The following PTPN1 variants were observed in gnomAD, a reference collection of about 807,000 sequenced individuals.
The protein encoded by PTPN1 is protein tyrosine phosphatase non-receptor type 1, also known as tyrosine-protein phosphatase non-receptor type 1.
Under a neutral mutation model 59.9 loss-of-function variants are expected in PTPN1, and 12 were observed. The observed-to-expected ratio is 0.20, with a 90% CI of 0.13 to 0.32. The LOEUF (loss-of-function observed/expected upper bound fraction) is 0.32, where lower values mean the gene tolerates loss of function less well. PTPN1 is among the 10% of genes least tolerant of loss of function. The pLI, the probability that PTPN1 is intolerant of heterozygous loss-of-function variation, is 1.00. For missense variants in PTPN1, 356 were observed against 549.2 expected (o/e 0.65, Z 3.52); for synonymous variants, 178 against 203.6 (o/e 0.87, Z 1.07).
At position 50,579,236 on chromosome 20, in the gene PTPN1, G is replaced by A; in HGVS notation, c.771G>A (p.Arg257=). The A allele has an allele frequency of 6.2e-7, 1 of 1,614,236 alleles. No homozygotes were observed. Residue 257 remains arginine, a synonymous_variant, in exon 7 of 10, where the codon CGG becomes CGA. Transcript: ENST00000371621. ...KKVLLEMRKF[R]MGLIQTADQL... ...TGCTGTTAGAAATGAGGAAGTTTCG[G>A]ATGGGGCTGATCCAGACAGCCGACC...
intron 1 of PTPN1, among the ~76,000 whole-genome samples, chr20:50,540,328 T>C (rs1230835892): frequency 1.3e-5 from 2 of 152,230 alleles, no homozygotes; most frequent in African/African-American, 4.8e-5. Context: ...GTGCTGGGAT[T>C]ACAGGCGTGA....
At chr20:50,572,707 C>T (rs2082817312) in intron 4 of PTPN1, 2 of 152,166 alleles carry the variant, frequency 1.3e-5, no homozygotes, top group South Asian at 4.1e-4. Flanking sequence ...AGATCAGTCT[C>T]TTGTTTCTGG....
intron 4 of PTPN1, chr20:50,574,212 C>G: frequency 3.2e-6 from 1 of 308,860 alleles, no homozygotes; most frequent in Non-Finnish European, 5.8e-6. Flanking sequence ...TTTGTTCAAT[C>G]TGGCTTCACC....
rs185308629 is a variant in PTPN1, at chr20:50,582,793, G to T, written c.*78G>T. ...CCCACGCCCGACTAGCAGGCATGCC[G>T]CGGTAGGTAAGGGCCGCCGGACCGC... is the stretch of plus-strand genomic sequence containing the variant. On this transcript the variant is annotated 3_prime_UTR_variant, in exon 10 of 10. Transcript: ENST00000371621. The surrounding 1 kb of genome is among the most constrained non-coding windows in gnomAD (Gnocchi z 4.2). 82 of 1,582,198 alleles carry T rather than the reference G, an allele frequency of 5.2e-5. No homozygotes were observed. The African/African-American group carries it at 8.2e-4, about 16-fold the overall frequency.
intron 1 of PTPN1, among the ~76,000 whole-genome samples, chr20:50,529,166 A>T (rs2082590282): frequency 6.6e-6 from 1 of 151,938 alleles, no homozygotes; most frequent in Non-Finnish European, 1.5e-5. Flanking sequence ...AGACCATGCC[A>T]CTCTGGAGAG....
At chr20:50,542,292 T>C (rs1229487013) in intron 1 of PTPN1, among the ~76,000 whole-genome samples, 2 of 152,242 alleles carry the variant, frequency 1.3e-5, no homozygotes, top group Non-Finnish European at 2.9e-5. Context: ...GATGAATGTA[T>C]CTTAGTGAAA....
chr20:50,545,843 C>T (rs1407837148), intron 1 of PTPN1, among the ~76,000 whole-genome samples: 6 of 151,634 alleles, frequency 4.0e-5, no homozygotes, highest in Non-Finnish European at 7.4e-5. Flanking sequence ...TAGCGAGACC[C>T]CCCCTCCCCC....
At position 50,582,765 on chromosome 20, in the gene PTPN1, G is replaced by C; in HGVS notation, c.*50G>C. ...CACCCACTGTCCGCCTCTGCCCGCAGAGCCCACGCCCGACTAGCAGGCATG... is the reference window on the plus strand; with the variant it reads ...CACCCACTGTCCGCCTCTGCCCGCACAGCCCACGCCCGACTAGCAGGCATG... On this transcript the variant is annotated 3_prime_UTR_variant, in exon 10 of 10. Transcript: ENST00000371621. The surrounding 1 kb of genome is among the most constrained non-coding windows in gnomAD (Gnocchi z 4.2). The C allele has an allele frequency of 6.2e-7, 1 of 1,609,584 alleles. No homozygotes were observed. The highest frequency in any genetic ancestry group is 8.5e-7 in the Non-Finnish European group (1 of 1,177,440).
chr20:50,562,971 C>G lies in PTPN1; in HGVS notation c.154+1518C>G, dbSNP rs1293811087. ...TAAATGGTTTTATGAATCAGTTTTA[C>G]AGAGAAAAAAAACCAGTATTTAAAA... On this transcript the variant is annotated intron_variant, in intron 2 of 9. Coordinates refer to ENST00000371621, the MANE Select transcript of PTPN1 (RefSeq NM_002827.4). The G allele has an allele frequency of 4.6e-5, 7 of 151,994 alleles. No homozygotes were observed. The East Asian group carries it at 1.4e-3, about 29-fold the overall frequency. The allele number at this position is 151,994 out of a possible 1,614,324, so 9.4% of individuals were successfully genotyped here. A position where few individuals can be genotyped will look rare whatever the true frequency, so the allele number is the denominator to read the frequency against.
chr20:50,570,527 A>G (rs551881797), intron 4 of PTPN1, among the ~76,000 whole-genome samples: 3 of 152,320 alleles, frequency 2.0e-5, no homozygotes, highest in African/African-American at 7.2e-5. Flanking sequence ...GAAGTTACAA[A>G]TGTGAAGCAA....
intron 1 of PTPN1, among the ~76,000 whole-genome samples, chr20:50,544,021 T>C (rs557097621): frequency 1.3e-5 from 2 of 151,958 alleles, no homozygotes; most frequent in Non-Finnish European, 2.9e-5. Flanking sequence ...AATATTTGTA[T>C]TTTTAGTAGA....
intron 5 of PTPN1, among the ~76,000 whole-genome samples, chr20:50,575,751 C>A (rs981859277): frequency 2.6e-5 from 4 of 152,048 alleles, no homozygotes; most frequent in Admixed American, 2.0e-4. Context: ...ATAGTGAGAC[C>A]CCCGTCTCTA....
Position 50,582,721 on chromosome 20 carries a change from CCCT to C in PTPN1, c.*12_*14del. On this transcript the variant is annotated 3_prime_UTR_variant, in exon 10 of 10. Transcript: ENST00000371621. The surrounding 1 kb of genome is among the most constrained non-coding windows in gnomAD (Gnocchi z 4.2). ...TGTTCAACAGCAACACATAGCCTGA[CCCT>C]CCTCCACTCCACCTCCACCCACTGT... is the stretch of plus-strand genomic sequence containing the variant. 2.5e-6 allele frequency: 4 copies of C among 1,613,768 alleles called. No individual in the cohort carries two copies. Among genetic ancestry groups the C allele is most frequent in the East Asian group, 2.2e-5 (1 of 44,876 alleles).
intron 1 of PTPN1, 106 bp from the exon 2 acceptor site, chr20:50,561,257 T>A (rs974200159): frequency 2.2e-5 from 19 of 845,378 alleles, no homozygotes; most frequent in African/African-American, 5.1e-5. Context: ...CTCTGAATTA[T>A]CACCTTGCAT....
At chr20:50,528,290 G>A (rs527286069) in intron 1 of PTPN1, among the ~76,000 whole-genome samples, 4 of 152,158 alleles carry the variant, frequency 2.6e-5, no homozygotes, top group East Asian at 1.9e-4. Flanking sequence ...GTAATAACAC[G>A]CATTGCTCTG....
intron 1 of PTPN1, among the ~76,000 whole-genome samples, chr20:50,542,590 G>A (rs1160943738): frequency 6.6e-6 from 1 of 152,196 alleles, no homozygotes; most frequent in Non-Finnish European, 1.5e-5. Context: ...CTCTGCAATA[G>A]TTGTTTATAA....
At chr20:50,555,327 A>G (rs185915862) in intron 1 of PTPN1, among the ~76,000 whole-genome samples, 1 of 152,352 alleles carries the variant, frequency 6.6e-6, no homozygotes, top group East Asian at 1.9e-4. Context: ...GTTAGATGGT[A>G]TGGAAAAAAA....
At chr20:50,557,905 T>TC (rs1452063179) in intron 1 of PTPN1, 4 of 152,170 alleles carry the variant, frequency 2.6e-5, no homozygotes, top group African/African-American at 7.2e-5. Context: ...AGCCCAGGAC[T>TC]CCTGGGCTCA....
chr20:50,577,387 A>T (rs1466942455), intron 5 of PTPN1: 1 of 152,284 alleles, frequency 6.6e-6, no homozygotes, highest in Non-Finnish European at 1.5e-5. Context: ...ACTGGGCCAC[A>T]GGGAAACTCT....
Sources: allele counts gnomAD v4.1 joint callset (sites outside exome capture counted in the v4.1 genomes callset), GRCh38; gene constraint gnomAD v4.1.1; non-coding constraint Gnocchi (gnomAD v3.1); transcripts MANE v1.5; gene names NCBI Gene and HGNC (gene_info 2026-07-23, HGNC 2026-07-21).